YBX1: variants seen among roughly 807,000 people sequenced by gnomAD.
YBX1 encodes Y-box-binding protein 1.
A neutral mutation model predicts 41.4 loss-of-function variants in YBX1; 3 were observed. The ratio of observed to expected loss-of-function variants is 0.07; its 90% CI spans 0.03 to 0.19. The LOEUF is 0.19. Among genes scored for constraint, YBX1 ranks in the 10% least tolerant of loss-of-function variants. The pLI, the probability that YBX1 is intolerant of heterozygous loss-of-function variation, is 1.00. For synonymous variants in YBX1, 133 were observed against 165.8 expected (o/e 0.80, Z 1.52); for missense variants, 274 against 462.8 (o/e 0.59, Z 3.74).
rs143546229 is a variant in YBX1 at position 42,696,540 on chromosome 1, T to C, written c.355-102T>C. ...CCCCCCCCTTTTTTTTCCTTAACTT[T>C]GTTGTTTTTTGCTTTGTTTGAAAAT... On this transcript the variant is annotated intron_variant, in intron 4 of 7. Coordinates refer to ENST00000321358, the MANE Select transcript of YBX1 (RefSeq NM_004559.5). The surrounding 1 kb of genome is among the most constrained non-coding windows in gnomAD (Gnocchi z 5.7). The C allele has an allele frequency of 2.8e-3, 1,438 of 514,480 alleles. 15 individuals are homozygous for C. Among genetic ancestry groups the C allele is most frequent in the South Asian group, 0.021 (790 of 37,872 alleles). The allele number at this position is 514,480 out of a possible 1,614,324, so 31.9% of individuals were successfully genotyped here.
Position 42,696,508 on chromosome 1 carries a change from T to TGGGGGGGGGGGGGGGGGGGGGGGGGGGG in YBX1, c.355-133_355-132insGGGGGGGGGGGGGGGGGGGGGGGGGGGG. ...TTCTGTGCACCCCTGGTCACGCAGTTGCGCCCCCCCCCCCTTTTTTTTCCT... is the reference window on the plus strand; with the variant it reads ...TTCTGTGCACCCCTGGTCACGCAGTTGGGGGGGGGGGGGGGGGGGGGGGGGGGGGCGCCCCCCCCCCCTTTTTTTTCCT... On this transcript the variant is annotated intron_variant, in intron 4 of 7. Transcript: ENST00000321358. The surrounding 1 kb of genome is among the most constrained non-coding windows in gnomAD (Gnocchi z 5.7). 1 of 875,186 alleles carries TGGGGGGGGGGGGGGGGGGGGGGGGGGGG rather than the reference T, an allele frequency of 1.1e-6. No homozygotes were observed. 54.2% of individuals were successfully genotyped at this position (875,186 alleles called of 1,614,324 possible).
At chr1:42,686,821 G>A (rs1210418301) in intron 2 of YBX1, among the ~76,000 whole-genome samples, 1 of 152,210 alleles carries the variant, frequency 6.6e-6, no homozygotes, top group Non-Finnish European at 1.5e-5. Flanking sequence ...AGGCACAAAG[G>A]AGTTGTTACT....
intron 6 of YBX1, among the ~76,000 whole-genome samples, chr1:42,698,922 T>C (rs1650526346): frequency 1.3e-5 from 2 of 152,310 alleles, no homozygotes; most frequent in South Asian, 2.1e-4. Flanking sequence ...CCCTAATGCA[T>C]GGAATGGTGT....
Position 42,702,612 on chromosome 1 carries a change from T to C in YBX1, c.*663T>C, listed in dbSNP as rs1329482138. On this transcript the variant is annotated 3_prime_UTR_variant, in exon 8 of 8. Transcript: ENST00000321358. ...GAAAGACTTGAGTGTAGATTTTGGG[T>C]GGGTCCCTTTGGCTGTGAGGCATTG... 1.4e-5 allele frequency among the ~76,000 whole-genome samples: 2 copies of C among 138,272 alleles called. No homozygotes were observed. The highest frequency in any genetic ancestry group is 3.2e-5 in the Non-Finnish European group (2 of 61,988). The allele number at this position is 138,272 out of a possible 152,430, so 90.7% of individuals were successfully genotyped here. A position where few individuals can be genotyped will look rare whatever the true frequency, so the allele number is the denominator to read the frequency against.
intron 1 of YBX1, 155 bp downstream of exon 1, chr1:42,682,886 C>T (rs1650074732): frequency 1.4e-5 from 4 of 288,430 alleles, no homozygotes; most frequent in African/African-American, 4.6e-5. Context: ...CACTCCCTCT[C>T]GCGGGGACCC....
intron 2 of YBX1, among the ~76,000 whole-genome samples, chr1:42,684,163 A>T (rs1342154078): frequency 1.3e-5 from 2 of 152,248 alleles, no homozygotes; most frequent in African/African-American, 4.8e-5. Context: ...TAGAGTGGCC[A>T]TAGTCACTGG....
chr1:42,703,734 T>C lies in YBX1; in HGVS notation c.*1785T>C, dbSNP rs1341883524. Among the ~76,000 whole-genome samples, 1 of 152,120 alleles carries C rather than the reference T, an allele frequency of 6.6e-6. No individual in the cohort carries two copies. Among genetic ancestry groups the C allele is most frequent in the Non-Finnish European group, 1.5e-5 (1 of 68,014 alleles). ...ACATTGTTTTCATGGCATCACAGAG[T>C]TGAAAAATCATAAATGAAACCATTG... On this transcript the variant is annotated 3_prime_UTR_variant, in exon 8 of 8. Coordinates refer to ENST00000321358, the MANE Select transcript of YBX1 (RefSeq NM_004559.5).
At chr1:42,690,701 C>T (rs983837069) in intron 2 of YBX1, among the ~76,000 whole-genome samples, 6 of 152,248 alleles carry the variant, frequency 3.9e-5, no homozygotes, top group Non-Finnish European at 7.3e-5. Context: ...TCATACCTCT[C>T]ATCTTTAGTC....
intron 6 of YBX1, 138 bp downstream of exon 6, chr1:42,697,400 C>A: frequency 1.3e-6 from 1 of 791,738 alleles, no homozygotes. Context: ...AAGAGGTGAA[C>A]CTATTAAAAA....
chr1:42,694,241 G>A (rs1650406866), intron 3 of YBX1, among the ~76,000 whole-genome samples: 1 of 152,130 alleles, frequency 6.6e-6, no homozygotes, highest in Non-Finnish European at 1.5e-5. Flanking sequence ...TTCTCCCTAA[G>A]TATCATTTAG....
rs1650482408 is a variant in YBX1 at position 42,697,161 on chromosome 1, T to C, written c.658-19T>C. The C allele has an allele frequency of 1.9e-6, 3 of 1,608,992 alleles. No homozygotes were observed. Among genetic ancestry groups the C allele is most frequent in the Non-Finnish European group, 2.5e-6 (3 of 1,178,582 alleles). ...TATATTACTGACCCAGTAGGCTTAA[T>C]TTCCATTGTCTTTTTCAGGGTGCTG... On this transcript the variant is annotated intron_variant, in intron 5 of 7. Transcript: ENST00000321358.
chr1:42,688,547 G>A (rs1650254787), intron 2 of YBX1, among the ~76,000 whole-genome samples: 1 of 152,148 alleles, frequency 6.6e-6, no homozygotes, highest in East Asian at 1.9e-4. Flanking sequence ...CTACTGCAGT[G>A]AGCCCCTTAA....
At chr1:42,687,657 A>G (rs1197871215) in intron 2 of YBX1, among the ~76,000 whole-genome samples, 1 of 151,990 alleles carries the variant, frequency 6.6e-6, no homozygotes, top group East Asian at 1.9e-4. Context: ...GGTTGTTTGA[A>G]GTGGAGTCTC....
intron 2 of YBX1, among the ~76,000 whole-genome samples, chr1:42,689,441 C>G (rs140630381): frequency 1.3e-5 from 2 of 152,192 alleles, no homozygotes; most frequent in East Asian, 1.9e-4. Context: ...GTCTGGTGAT[C>G]TGCAACAAAG....
At chr1:42,683,331 T>G in intron 1 of YBX1, 72 bp from the exon 2 acceptor site, 1 of 1,589,198 alleles carries the variant, frequency 6.3e-7, no homozygotes, top group Non-Finnish European at 8.6e-7. Context: ...AGGGACCGGA[T>G]GCCCAAGCCG....
chr1:42,693,291 A>G (rs999240886), intron 2 of YBX1, among the ~76,000 whole-genome samples, 199 bp from the exon 3 acceptor site: 5 of 144,982 alleles, frequency 3.4e-5, no homozygotes, highest in Admixed American at 6.9e-5. Context: ...TTTTTTGCCT[A>G]TCTTACGGGT....
At chr1:42,699,443 C>G (rs1650540984) in intron 6 of YBX1, among the ~76,000 whole-genome samples, 2 of 151,872 alleles carry the variant, frequency 1.3e-5, no homozygotes, top group African/African-American at 4.8e-5. Context: ...ATTTGGGCAT[C>G]AGGCTCAGGT....
intron 1 of YBX1, chr1:42,683,030 G>T (rs1188095823): frequency 2.6e-6 from 1 of 386,368 alleles, no homozygotes; most frequent in Admixed American, 3.2e-5. Flanking sequence ...GGCCTCGTGC[G>T]CTCGGGCCCG....
At chr1:42,683,934 T>TAA (rs1650127294) in intron 2 of YBX1, among the ~76,000 whole-genome samples, 1 of 152,236 alleles carries the variant, frequency 6.6e-6, no homozygotes, top group African/African-American at 2.4e-5. Context: ...CGAGAGGTTG[T>TAA]ATTGCCTTTG....
Sources: gnomAD v4.1 joint callset for allele counts (sites outside exome capture counted in the v4.1 genomes callset) on GRCh38, gnomAD v4.1.1 for gene constraint, Gnocchi (gnomAD v3.1) non-coding constraint, MANE v1.5 for transcripts, NCBI Gene and HGNC (gene_info 2026-07-23, HGNC 2026-07-21) for gene names.